GALNTL6: variants seen among roughly 807,000 people sequenced by gnomAD.
GALNTL6 encodes polypeptide N-acetylgalactosaminyltransferase like 6.
In GALNTL6, 46 loss-of-function variants were observed where a neutral mutation model predicts 73.7. That is an observed-to-expected ratio of 0.62 (90% CI 0.49 to 0.80). The LOEUF (loss-of-function observed/expected upper bound fraction) is 0.80, where lower values mean the gene tolerates loss of function less well. Ranked by LOEUF, GALNTL6 falls within the 30% of genes least tolerant of loss-of-function variation. The probability of loss-of-function intolerance (pLI) is 0.00; values close to 1 mark genes in which losing one functional copy is unlikely to be tolerated. For missense variants in GALNTL6, 604 were observed against 755.0 expected, an observed-to-expected ratio of 0.80 and a Z score of 2.34; for synonymous variants, 259 against 263.7, an observed-to-expected ratio of 0.98 and a Z score of 0.17.
chr4:172,576,252 AC>A (rs1736951601), intron 5 of GALNTL6, among the ~76,000 whole-genome samples: 1 of 151,554 alleles, frequency 6.6e-6, no homozygotes, highest in Non-Finnish European at 1.5e-5. Flanking sequence ...GGGACCAGGA[AC>A]CGGGGGAGAC....
chr4:172,030,480 G>C (rs1413517006), intron 2 of GALNTL6, among the ~76,000 whole-genome samples: 1 of 151,992 alleles, frequency 6.6e-6, no homozygotes, highest in Admixed American at 6.6e-5. Flanking sequence ...GGAGGCTGAG[G>C]CAGGTGGATC....
In GALNTL6 at chr4:172,563,900, C is replaced by T. The variant is rs141044554; in HGVS notation, c.553+215211C>T. Reference sequence around the variant, plus strand: ...ACACTTGAGAGGAACTTATAGTTCTCAAATGATAAGAGAGATGATAAAAAG... The same window carrying T: ...ACACTTGAGAGGAACTTATAGTTCTTAAATGATAAGAGAGATGATAAAAAG... On this transcript the variant is annotated intron_variant, in intron 5 of 12. Coordinates refer to ENST00000506823, the MANE Select transcript of GALNTL6 (RefSeq NM_001034845.3). Among the ~76,000 whole-genome samples the T allele has an allele frequency of 2.2e-4, 34 of 152,168 alleles. 1 individual carries two copies. The East Asian group carries it at 4.3e-3, about 19-fold the overall frequency.
intron 7 of GALNTL6, among the ~76,000 whole-genome samples, chr4:172,879,627 T>G (rs1276942057): frequency 6.6e-6 from 1 of 151,896 alleles, no homozygotes. Context: ...GCTAAAGCAA[T>G]AGGTAGGAAT....
At chr4:172,324,034 A>G (rs1740853272) in intron 4 of GALNTL6, among the ~76,000 whole-genome samples, 1 of 152,040 alleles carries the variant, frequency 6.6e-6, no homozygotes, top group African/African-American at 2.4e-5. Context: ...ACTATGAGCC[A>G]TAAAGGAATC....
chr4:172,156,540 A>ATAGTATATATGT (rs58197299), intron 2 of GALNTL6, among the ~76,000 whole-genome samples: 16 of 125,166 alleles, frequency 1.3e-4, no homozygotes, highest in African/African-American at 4.4e-4. Context: ...ATATATATAT[A>ATAGTATATATGT]ATATATATAT....
At chr4:172,338,924 G>T (rs2111196376) in intron 4 of GALNTL6, among the ~76,000 whole-genome samples, 1 of 152,284 alleles carries the variant, frequency 6.6e-6, no homozygotes, top group Non-Finnish European at 1.5e-5. Flanking sequence ...ATCCAGGAGA[G>T]TGGATGTTTT....
intron 2 of GALNTL6, among the ~76,000 whole-genome samples, chr4:172,207,039 A>C (rs28589865): frequency 1.7e-3 from 254 of 150,742 alleles, no homozygotes; most frequent in Middle Eastern, 3.4e-3. Flanking sequence ...GGATGATCTC[A>C]ATCTCCTGAC....
intron 5 of GALNTL6, among the ~76,000 whole-genome samples, chr4:172,497,746 T>C (rs1357573963): frequency 1.3e-5 from 2 of 152,222 alleles, no homozygotes; most frequent in African/African-American, 4.8e-5. Flanking sequence ...GTGGTCATTA[T>C]TTTTAGATAT....
At chr4:172,743,709 T>G (rs549055934) in intron 5 of GALNTL6, among the ~76,000 whole-genome samples, 10 of 152,248 alleles carry the variant, frequency 6.6e-5, no homozygotes, top group African/African-American at 2.4e-4. Flanking sequence ...AACATAACTG[T>G]GCAGATGTGC....
At chr4:172,885,735 A>G (rs1427658038) in intron 8 of GALNTL6, among the ~76,000 whole-genome samples, 1 of 152,146 alleles carries the variant, frequency 6.6e-6, no homozygotes, top group African/African-American at 2.4e-5. Context: ...TTTTCTTTCT[A>G]TATCCAATTT....
chr4:172,491,230 ATAAT>A (rs898852000), intron 5 of GALNTL6, among the ~76,000 whole-genome samples: 3 of 152,174 alleles, frequency 2.0e-5, no homozygotes, highest in African/African-American at 7.2e-5. Flanking sequence ...TTCAAATTAA[ATAAT>A]TAAGAGCTTG....
At chr4:172,147,654 C>T (rs930588055) in intron 2 of GALNTL6, among the ~76,000 whole-genome samples, 7 of 151,846 alleles carry the variant, frequency 4.6e-5, no homozygotes, top group East Asian at 1.9e-4. Context: ...TAATTTATGA[C>T]GAAAAGAAAC....
At chr4:171,995,424 A>G (rs1740456764) in intron 2 of GALNTL6, among the ~76,000 whole-genome samples, 1 of 152,118 alleles carries the variant, frequency 6.6e-6, no homozygotes, top group Non-Finnish European at 1.5e-5. Flanking sequence ...GAAACTGAAG[A>G]AAACATATAA....
chr4:172,060,639 A>C (rs142872650), intron 2 of GALNTL6, among the ~76,000 whole-genome samples: 1 of 152,166 alleles, frequency 6.6e-6, no homozygotes, highest in Non-Finnish European at 1.5e-5. Flanking sequence ...TTGTCTTTTA[A>C]AGAAAGACAC....
intron 2 of GALNTL6, among the ~76,000 whole-genome samples, chr4:172,110,474 C>A (rs1732821428): frequency 6.6e-6 from 1 of 152,096 alleles, no homozygotes; most frequent in Non-Finnish European, 1.5e-5. Context: ...TAGTCAGTAG[C>A]ATATTTTAAA....
chr4:171,878,899 C>T (rs1348240963), intron 2 of GALNTL6, among the ~76,000 whole-genome samples: 10 of 152,102 alleles, frequency 6.6e-5, no homozygotes. Flanking sequence ...CACCTCCCCA[C>T]AACCTTGCTT....
At chr4:172,033,170 GGAGA>G (rs70941376) in intron 2 of GALNTL6, among the ~76,000 whole-genome samples, 208 of 146,388 alleles carry the variant, frequency 1.4e-3, no homozygotes, top group African/African-American at 3.0e-3. Flanking sequence ...ACACACACAC[GGAGA>G]GAGAGAGAGA....
At chr4:172,190,167 C>G (rs912259053) in intron 2 of GALNTL6, among the ~76,000 whole-genome samples, 8 of 152,126 alleles carry the variant, frequency 5.3e-5, no homozygotes, top group Non-Finnish European at 2.9e-5. Context: ...CTTTCTTTGT[C>G]TTCCCCATTA....
At chr4:172,445,506 GCACA>G (rs1425168936) in intron 5 of GALNTL6, among the ~76,000 whole-genome samples, 1 of 152,048 alleles carries the variant, frequency 6.6e-6, no homozygotes, top group Non-Finnish European at 1.5e-5. Context: ...ACGCACACAT[GCACA>G]CACAATCATT....
Sources: gnomAD v4.1 joint callset for allele counts (sites outside exome capture counted in the v4.1 genomes callset) on GRCh38, gnomAD v4.1.1 for gene constraint, MANE v1.5 for transcripts, NCBI Gene and HGNC (gene_info 2026-07-23, HGNC 2026-07-21) for gene names.